Variants in CCDC39 observed in about 807,000 individuals in gnomAD.
CCDC39 encodes coiled-coil domain-containing protein 39.
CCDC39 carries 113 observed loss-of-function variants against 121.0 expected under a neutral mutation model. The observed-to-expected ratio is 0.93, with a 90% CI of 0.80 to 1.09. CCDC39 has a LOEUF of 1.09. CCDC39 is among the 50% of genes least tolerant of loss of function. The pLI, the probability that CCDC39 is intolerant of heterozygous loss-of-function variation, is 0.00. For synonymous variants in CCDC39, 349 were observed against 352.2 expected, an observed-to-expected ratio of 0.99 and a Z score of 0.10; for missense variants, 1,063 against 1,074.7, an observed-to-expected ratio of 0.99 and a Z score of 0.15.
At chr3:180,618,489 G>A (rs1717332684) in intron 16 of CCDC39, among the ~76,000 whole-genome samples, 1 of 151,850 alleles carries the variant, frequency 6.6e-6, no homozygotes, top group South Asian at 2.1e-4. Context: ...CATGTGCCAT[G>A]TTGGTGTGCT....
At chr3:180,670,639 C>CTTTTTTTTTTTTTTTTTTCTTT (rs573623299) in intron 1 of CCDC39, among the ~76,000 whole-genome samples, 2 of 120,414 alleles carry the variant, frequency 1.7e-5, no homozygotes, top group African/African-American at 3.0e-5. Flanking sequence ...TTTTTTTTCT[C>CTTTTTTTTTTTTTTTTTTCTTT]TTTTTTTTTT....
At position 180,646,943 on chromosome 3, in the gene CCDC39, A is replaced by G. The variant is rs1366070048; in HGVS notation, c.1527+136T>C. The G allele has an allele frequency of 4.2e-6, 3 of 720,408 alleles. No homozygotes were observed. In the Admixed American group the frequency reaches 9.5e-5, roughly 23 times the overall value. The allele number at this position is 720,408 out of a possible 1,614,324, so 44.6% of individuals were successfully genotyped here. On this transcript the variant is annotated intron_variant, in intron 11 of 19. Coordinates refer to ENST00000476379, the MANE Select transcript of CCDC39 (RefSeq NM_181426.2). ...ATTACACACTAATAGTACAAAAATA[A>G]GAACATTGTTCATACATTTGTTATA...
At chr3:180,629,462 G>A (rs938572478) in intron 14 of CCDC39, among the ~76,000 whole-genome samples, 1 of 152,142 alleles carries the variant, frequency 6.6e-6, no homozygotes, top group Non-Finnish European at 1.5e-5. Context: ...ATAGAGAGTC[G>A]AAGGTCTGCA....
At chr3:180,646,984 G>A in intron 11 of CCDC39, 95 bp downstream of exon 11, 2 of 1,059,908 alleles carry the variant, frequency 1.9e-6, no homozygotes, top group South Asian at 2.8e-5. Context: ...GTGTAGAGTG[G>A]CAGTCACCCT....
At chr3:180,654,659 ACTAG>A in intron 7 of CCDC39, 99 bp downstream of exon 7, 5 of 717,974 alleles carry the variant, frequency 7.0e-6, no homozygotes, top group Non-Finnish European at 1.0e-5. Flanking sequence ...AAAAAAAAAA[ACTAG>A]AAGTAGTTTC....
chr3:180,616,735 T>C (rs767373627), intron 17 of CCDC39, 40 bp from the exon 18 acceptor site: 3 of 1,571,636 alleles, frequency 1.9e-6, no homozygotes, highest in Non-Finnish European at 2.6e-6. Context: ...TAAACGTGTT[T>C]ACCAGAATTT....
Position 180,631,500 on chromosome 3 carries a change from T to G in CCDC39, c.1967A>C (p.Glu656Ala). 1 of 1,607,544 alleles carries G rather than the reference T, an allele frequency of 6.2e-7. No homozygotes were observed. The highest frequency in any genetic ancestry group is 8.5e-7 in the Non-Finnish European group (1 of 1,179,006). Residue 656 changes from glutamate to alanine, a missense_variant, in exon 14 of 20, where the codon GAG (glutamate) becomes GCG (alanine). By Grantham distance (107) the Glu-to-Ala change is moderately radical. Transcript: ENST00000476379. ...TVVMLPPEGE[E>A]EKTQAYYVIK... The stretch of plus-strand genomic sequence containing the variant: ...TACATAATAGGCCTGTGTTTTCTCC[T>G]CTTCTCCTTCAGGAGGCAGCATAAC...
intron 9 of CCDC39, among the ~76,000 whole-genome samples, chr3:180,650,808 G>T (rs1257058883): frequency 1.3e-5 from 2 of 152,038 alleles, no homozygotes. Flanking sequence ...AGTGAGCTGA[G>T]ATCATGTCAC....
In CCDC39 at chr3:180,661,953, T is replaced by C. The variant is rs1457544487; in HGVS notation, c.265A>G (p.Ile89Val). 1.9e-6 allele frequency: 3 copies of C among 1,563,362 alleles called. No individual in the cohort carries two copies. In the Admixed American group the frequency reaches 5.8e-5, roughly 30 times the overall value. ...ACTCGTCCCAATTCTCTTTGAGCAA[T>C]GGCCTTAAAATGTTCTTCACTTTCA... ...ETESEEHFKA[I>V]AQRELGRVKD... The change falls in exon 3 of 20, where the codon ATT (isoleucine) becomes GTT (valine). Residue 89 changes from isoleucine to valine, a missense_variant. Ile to Val is a conservative substitution (Grantham distance 29, BLOSUM62 3). Transcript: ENST00000476379.
At chr3:180,621,523 G>A (rs763966932) in intron 14 of CCDC39, among the ~76,000 whole-genome samples, 1 of 151,850 alleles carries the variant, frequency 6.6e-6, no homozygotes, top group Admixed American at 6.6e-5. Flanking sequence ...ATTCTTCTTG[G>A]CCATTTGTTT....
At position 180,656,039 on chromosome 3, in the gene CCDC39, T is replaced by G. The variant is rs141713790; in HGVS notation, c.739-1086A>C. Among the ~76,000 whole-genome samples, 340 of 152,316 alleles carry G rather than the reference T, an allele frequency of 2.2e-3. 1 individual carries two copies. The highest frequency in any genetic ancestry group is 3.8e-3 in the Non-Finnish European group (260 of 68,024). ...TGCTGCATGTATACATATTAGCATA[T>G]TAAATGGCTACACATCTGAGATATA... On this transcript the variant is annotated intron_variant, in intron 6 of 19. Coordinates refer to ENST00000476379, the MANE Select transcript of CCDC39 (RefSeq NM_181426.2).
chr3:180,656,813 A>G (rs570619610), intron 6 of CCDC39, among the ~76,000 whole-genome samples: 7 of 152,340 alleles, frequency 4.6e-5, no homozygotes, highest in African/African-American at 1.7e-4. Context: ...TTAGTCTGCT[A>G]AAAGACACTC....
In CCDC39 at chr3:180,616,820, C is replaced by T. The variant is rs528695350; in HGVS notation, c.2406+6G>A. The T allele has an allele frequency of 4.7e-5, 76 of 1,608,984 alleles. 1 individual carries two copies. Among genetic ancestry groups the T allele is most frequent in the African/African-American group, 9.3e-5 (7 of 74,896 alleles). On this transcript the variant is annotated splice_donor_region_variant and intron_variant, in intron 17 of 19. Coordinates refer to ENST00000476379, the MANE Select transcript of CCDC39 (RefSeq NM_181426.2). The stretch of plus-strand genomic sequence containing the variant: ...TGAAAGGTCAGTTTTTAAAAGATAT[C>T]GATACCTGTTTGGTCACTCTTTCTA...
At chr3:180,621,787 G>T (rs1182147913) in intron 14 of CCDC39, among the ~76,000 whole-genome samples, 2 of 151,986 alleles carry the variant, frequency 1.3e-5, no homozygotes, top group South Asian at 4.2e-4. Flanking sequence ...ATTGATCTTT[G>T]TGTCTCATTT....
chr3:180,634,532 A>G (rs1046157323), intron 13 of CCDC39, among the ~76,000 whole-genome samples: 2 of 152,032 alleles, frequency 1.3e-5, no homozygotes, highest in African/African-American at 4.8e-5. Context: ...AGCCACAACC[A>G]CTACTAAGGT....
chr3:180,619,780 T>C (rs1417567277), intron 15 of CCDC39, 31 bp downstream of exon 15: 2 of 1,344,274 alleles, frequency 1.5e-6, no homozygotes, highest in Admixed American at 2.0e-5. Flanking sequence ...TCACTGTATA[T>C]ATGTATAAAA....
At chr3:180,652,401 ATT>A in intron 7 of CCDC39, 135 bp from the exon 8 acceptor site, 1 of 500,596 alleles carries the variant, frequency 2.0e-6, no homozygotes, top group South Asian at 3.5e-5. Flanking sequence ...ATTTTTTTAT[ATT>A]TAATATATAA....
chr3:180,625,244 C>T (rs1717530209), intron 14 of CCDC39, among the ~76,000 whole-genome samples: 1 of 150,262 alleles, frequency 6.7e-6, no homozygotes, highest in Non-Finnish European at 1.5e-5. Flanking sequence ...TTTAATTTGT[C>T]TGACTGGATT....
chr3:180,614,267 G>A lies in CCDC39; in HGVS notation c.*654C>T, dbSNP rs925706357. The A allele has an allele frequency of 2.6e-5, 4 of 153,448 alleles. No individual in the cohort carries two copies. The highest frequency in any genetic ancestry group is 9.9e-5 in the African/African-American group (4 of 40,558). The allele number at this position is 153,448 out of a possible 1,614,324, so 9.5% of individuals were successfully genotyped here. On this transcript the variant is annotated 3_prime_UTR_variant, in exon 20 of 20. Coordinates refer to ENST00000476379, the MANE Select transcript of CCDC39 (RefSeq NM_181426.2). ...GTATCTGAAAGCAAATCTTTAATGC[G>A]TTTATTTCAAGGTCAGAAGTGATTT...
Sources: gnomAD v4.1 joint callset for allele counts (sites outside exome capture counted in the v4.1 genomes callset) on GRCh38, gnomAD v4.1.1 for gene constraint, MANE v1.5 for transcripts, NCBI Gene and HGNC (gene_info 2026-07-23, HGNC 2026-07-21) for gene names.